PTGER4: variants seen among roughly 807,000 people sequenced by gnomAD.
PTGER4 encodes prostaglandin E2 receptor EP4 subtype.
Under a neutral mutation model 33.2 loss-of-function variants are expected in PTGER4, and 11 were observed. The ratio of observed to expected loss-of-function variants is 0.33; its 90% CI spans 0.21 to 0.55. The LOEUF (loss-of-function observed/expected upper bound fraction) is 0.55. Among genes scored for constraint, PTGER4 ranks in the 20% least tolerant of loss-of-function variants. PTGER4 has a pLI of 0.92. For missense variants in PTGER4, 481 were observed against 650.2 expected, an observed-to-expected ratio of 0.74 and a Z score of 2.83; for synonymous variants, 275 against 281.5, an observed-to-expected ratio of 0.98 and a Z score of 0.23.
chr5:40,695,740 T>G (rs1187691734), downstream of PTGER4, among the ~76,000 whole-genome samples: 2 of 151,966 alleles, frequency 1.3e-5, no homozygotes. Flanking sequence ...CTTTGTGCGG[T>G]CATAAAAAAG....
chr5:40,702,069 AC>A, the PTGER4 span, among the ~76,000 whole-genome samples: 2 of 152,240 alleles, frequency 1.3e-5, no homozygotes, highest in Non-Finnish European at 2.9e-5. Flanking sequence ...AGCAGCTGGT[AC>A]AAAAACACAA....
chr5:40,744,761 T>C, the PTGER4 span, among the ~76,000 whole-genome samples: 1 of 152,178 alleles, frequency 6.6e-6, no homozygotes, highest in Non-Finnish European at 1.5e-5. Context: ...GTAATTTTTC[T>C]AATATATTTT....
At chr5:40,726,959 G>A in the PTGER4 span, among the ~76,000 whole-genome samples, 1 of 152,094 alleles carries the variant, frequency 6.6e-6, no homozygotes, top group African/African-American at 2.4e-5. Context: ...GAAGTTGACA[G>A]TGCTAAATGG....
the PTGER4 span, among the ~76,000 whole-genome samples, chr5:40,746,345 T>C: frequency 6.6e-6 from 1 of 152,192 alleles, no homozygotes; most frequent in South Asian, 2.1e-4. Context: ...TTTACTTAAG[T>C]ATATAAGAAG....
At chr5:40,718,673 G>A in the PTGER4 span, among the ~76,000 whole-genome samples, 1 of 152,112 alleles carries the variant, frequency 6.6e-6, no homozygotes, top group East Asian at 1.9e-4. Flanking sequence ...AGGAGGCAGA[G>A]GTTGCAGTGA....
At chr5:40,696,593 G>A (rs1175696145), downstream of PTGER4, 3 of 847,716 alleles carry the variant, frequency 3.5e-6, no homozygotes, top group Non-Finnish European at 4.3e-6. Flanking sequence ...CTGGGTCTTT[G>A]GTCCTTCTAT....
chr5:40,690,417 T>G (rs1741439184), intron 2 of PTGER4, among the ~76,000 whole-genome samples: 1 of 152,226 alleles, frequency 6.6e-6, no homozygotes, highest in Non-Finnish European at 1.5e-5. Context: ...TTACACAAAT[T>G]CATGCTCCAT....
chr5:40,704,947 C>T, the PTGER4 span, among the ~76,000 whole-genome samples: 2 of 152,170 alleles, frequency 1.3e-5, no homozygotes, highest in Admixed American at 1.3e-4. Flanking sequence ...CTACCAATGG[C>T]ATTCTTCACA....
At chr5:40,745,217 C>CT in the PTGER4 span, among the ~76,000 whole-genome samples, 1 of 152,164 alleles carries the variant, frequency 6.6e-6, no homozygotes, top group Non-Finnish European at 1.5e-5. Context: ...CTGTAAAAGA[C>CT]ATTTGGGGGA....
chr5:40,717,339 A>T, the PTGER4 span, among the ~76,000 whole-genome samples: 1 of 152,204 alleles, frequency 6.6e-6, no homozygotes, highest in Non-Finnish European at 1.5e-5. Context: ...AAGCACAGAA[A>T]GAGTAGAAAC....
downstream of PTGER4, among the ~76,000 whole-genome samples, chr5:40,698,372 T>C (rs935246717): frequency 6.6e-6 from 1 of 152,056 alleles, no homozygotes; most frequent in Non-Finnish European, 1.5e-5. Context: ...AGTAAATATA[T>C]TGGGGAAATA....
Position 40,681,326 on chromosome 5 carries a change from C to T in PTGER4, c.333C>T (p.Cys111=), listed in dbSNP as rs1741181740. The T allele has an allele frequency of 1.2e-6, 2 of 1,614,070 alleles. No individual in the cohort carries two copies. The highest frequency in any genetic ancestry group is 1.7e-6 in the Non-Finnish European group (2 of 1,180,050). ...GCCTGTCCGGCCTCAGCATCATCTG[C>T]GCCATGAGTGTCGAGCGCTACCTGG... ...FFSLSGLSII[C]AMSVERYLAI... Residue 111 remains cysteine (C), a synonymous_variant, in exon 2 of 3, where the codon TGC becomes TGT. Transcript: ENST00000302472. This position sits in a 1 kb window ranked among gnomAD's most constrained non-coding sequence, Gnocchi z 9.8.
At chr5:40,708,493 A>G in the PTGER4 span, among the ~76,000 whole-genome samples, 1 of 152,226 alleles carries the variant, frequency 6.6e-6, no homozygotes, top group Non-Finnish European at 1.5e-5. Flanking sequence ...AAGAAGTTGA[A>G]TCTCTGAATA....
At chr5:40,689,854 G>T (rs888772074) in intron 2 of PTGER4, among the ~76,000 whole-genome samples, 4 of 152,104 alleles carry the variant, frequency 2.6e-5, no homozygotes, top group Non-Finnish European at 5.9e-5. Flanking sequence ...CTAAAGGCAA[G>T]AAATAATTAC....
chr5:40,740,899 T>A, the PTGER4 span, among the ~76,000 whole-genome samples: 29 of 152,368 alleles, frequency 1.9e-4, no homozygotes, highest in Admixed American at 9.2e-4. Flanking sequence ...TATTTTTTAT[T>A]TCAGATATCG....
rs1741245256 is a variant in PTGER4, at chr5:40,683,383, T to A, written c.867+1523T>A. On this transcript the variant is annotated intron_variant, in intron 2 of 2. Transcript: ENST00000302472. The surrounding 1 kb of genome is among the most constrained non-coding windows in gnomAD (Gnocchi z 4.2). The stretch of plus-strand genomic sequence containing the variant: ...AGCCATTCCAGGACCCAATATAATT[T>A]ACAGAGTTAAGTCACACTTGAGCCA... 1.3e-5 allele frequency among the ~76,000 whole-genome samples: 2 copies of A among 152,202 alleles called. No individual in the cohort carries two copies. Among genetic ancestry groups the A allele is most frequent in the South Asian group, 4.1e-4 (2 of 4,832 alleles).
chr5:40,687,994 T>C (rs902064859), intron 2 of PTGER4, among the ~76,000 whole-genome samples: 1 of 152,234 alleles, frequency 6.6e-6, no homozygotes, highest in Non-Finnish European at 1.5e-5. Flanking sequence ...TCTCATCACC[T>C]TTGATTATGA....
Position 40,681,512 on chromosome 5 carries a change from C to T in PTGER4, c.519C>T (p.Asp173=). 6.2e-7 allele frequency: 1 copy of T among 1,613,280 alleles called. No individual in the cohort carries two copies. ...ACCCAGACACCTGGTGCTTCATCGA[C>T]TGGACCACCAACGTGACGGCGCACG... ...LQYPDTWCFI[D]WTTNVTAHAA... The change falls in exon 2 of 3, where the codon GAC becomes GAT. Residue 173 remains aspartate, a synonymous_variant. Coordinates refer to ENST00000302472, the MANE Select transcript of PTGER4 (RefSeq NM_000958.3). This position sits in a 1 kb window ranked among gnomAD's most constrained non-coding sequence, Gnocchi z 9.8.
chr5:40,689,741 TG>T (rs1019939203), intron 2 of PTGER4, among the ~76,000 whole-genome samples: 2 of 152,338 alleles, frequency 1.3e-5, no homozygotes, highest in African/African-American at 4.8e-5. Context: ...CCTAGTTAAA[TG>T]GCTCCAGCTA....
Sources: allele counts gnomAD v4.1 joint callset (sites outside exome capture counted in the v4.1 genomes callset), GRCh38; gene constraint gnomAD v4.1.1; non-coding constraint Gnocchi (gnomAD v3.1); transcripts MANE v1.5; gene names NCBI Gene and HGNC (gene_info 2026-07-23, HGNC 2026-07-21).